DDX39B: variants seen among roughly 807,000 people sequenced by gnomAD.
The protein encoded by DDX39B is spliceosome RNA helicase DDX39B.
Under a neutral mutation model 46.4 loss-of-function variants are expected in DDX39B, and 6 were observed. That is an observed-to-expected ratio of 0.13 (90% CI 0.07 to 0.26). The LOEUF (loss-of-function observed/expected upper bound fraction) is 0.26. Ranked by LOEUF, DDX39B falls within the 10% of genes least tolerant of loss-of-function variation. The pLI is 1.00. For synonymous variants in DDX39B, 174 were observed against 199.4 expected, an observed-to-expected ratio of 0.87 and a Z score of 1.07; for missense variants, 185 against 553.4, an observed-to-expected ratio of 0.33 and a Z score of 6.68.
rs541059804 is a variant in DDX39B at position 31,539,017 on chromosome 6, C to T, written c.339+130G>A. On this transcript the variant is annotated intron_variant, in intron 3 of 10. Transcript: ENST00000396172. ...GCTTGCGACAGAACATCCCCCACAG[C>T]TGTCAGGTTGTCAAGGGTAACAGAG... 22 of 1,537,372 alleles carry T rather than the reference C, an allele frequency of 1.4e-5. No individual in the cohort carries two copies. The South Asian group carries it at 2.3e-4, about 16-fold the overall frequency.
rs1768302992 is a variant in DDX39B at position 31,540,623 on chromosome 6, G to C, written c.-91C>G. On this transcript the variant is annotated 5_prime_UTR_variant, in exon 2 of 11. Transcript: ENST00000396172. ...AAGGGGTGAAGAGTAGGGGATTGAG[G>C]AACAGCAAAGGAAAACAAAGATACT... 1 of 1,200,760 alleles carries C rather than the reference G, an allele frequency of 8.3e-7. No homozygotes were observed. Among genetic ancestry groups the C allele is most frequent in the East Asian group, 2.3e-5 (1 of 42,568 alleles). The allele number at this position is 1,200,760 out of a possible 1,614,324, so 74.4% of individuals were successfully genotyped here.
chr6:31,535,344 A>T lies in DDX39B; in HGVS notation c.735+23T>A. On this transcript the variant is annotated intron_variant, in intron 6 of 10. Coordinates refer to ENST00000396172, the MANE Select transcript of DDX39B (RefSeq NM_004640.7). This position sits in a 1 kb window ranked among gnomAD's most constrained non-coding sequence, Gnocchi z 4.6. ...GAGGCAGCGGGCGGGGAGTGGAGGGAGAGAAGGTAGAAGGGTATTTACATC... is the reference window on the plus strand; with the variant it reads ...GAGGCAGCGGGCGGGGAGTGGAGGGTGAGAAGGTAGAAGGGTATTTACATC... 2 of 1,606,792 alleles carry T rather than the reference A, an allele frequency of 1.2e-6. No homozygotes were observed. The highest frequency in any genetic ancestry group is 1.3e-5 in the African/African-American group (1 of 74,882).
chr6:31,541,871 G>A (rs1768520956), intron 1 of DDX39B, 79 bp downstream of exon 1: 1 of 635,650 alleles, frequency 1.6e-6, no homozygotes, highest in Non-Finnish European at 2.9e-6. Context: ...CCTGTGAAAA[G>A]GGTATCAGGA....
Position 31,538,743 on chromosome 6 carries a change from G to C in DDX39B, c.432+20C>G. On this transcript the variant is annotated intron_variant, in intron 4 of 10. Coordinates refer to ENST00000396172, the MANE Select transcript of DDX39B (RefSeq NM_004640.7). ...CAACTTGCCACACCCTCACTCTCAG[G>C]TCTCTTTACCTTGGCTTACCTTGAC... 6.2e-7 allele frequency: 1 copy of C among 1,603,488 alleles called. No homozygotes were observed. Among genetic ancestry groups the C allele is most frequent in the Non-Finnish European group, 8.5e-7 (1 of 1,175,058 alleles).
intron 2 of DDX39B, among the ~76,000 whole-genome samples, chr6:31,539,950 C>T (rs550861661): frequency 1.3e-5 from 2 of 150,368 alleles, no homozygotes; most frequent in African/African-American, 4.9e-5. Context: ...CCTGTATAAG[C>T]CTCCTCTATC....
chr6:31,530,394 C>T lies in DDX39B; in HGVS notation c.*40G>A, dbSNP rs773950892. ...TTCACCCCCACCCTGGTGTCCTCTCCTGAAGGACAGACGGTCACATTCCAA... is the reference window on the plus strand; with the variant it reads ...TTCACCCCCACCCTGGTGTCCTCTCTTGAAGGACAGACGGTCACATTCCAA... On this transcript the variant is annotated 3_prime_UTR_variant, in exon 11 of 11. Coordinates refer to ENST00000396172, the MANE Select transcript of DDX39B (RefSeq NM_004640.7). The surrounding 1 kb of genome is among the most constrained non-coding windows in gnomAD (Gnocchi z 4.5). 3 of 1,612,322 alleles carry T rather than the reference C, an allele frequency of 1.9e-6. No homozygotes were observed. The South Asian group carries it at 3.3e-5, about 18-fold the overall frequency.
chr6:31,538,647 T>A, intron 4 of DDX39B, 116 bp downstream of exon 4: 1 of 939,018 alleles, frequency 1.1e-6, no homozygotes, highest in Non-Finnish European at 1.6e-6. Flanking sequence ...CTCAACACTC[T>A]GTTACACCAC....
At position 31,534,456 on chromosome 6, in the gene DDX39B, C is replaced by G. The variant is rs1468883636; in HGVS notation, c.735+911G>C. On this transcript the variant is annotated intron_variant, in intron 6 of 10. Coordinates refer to ENST00000396172, the MANE Select transcript of DDX39B (RefSeq NM_004640.7). The surrounding 1 kb of genome is among the most constrained non-coding windows in gnomAD (Gnocchi z 5.1). ...AATTGGCCCCACCTAGCCCCAAACCCTAACAACCACCCGATTACATCCACT... is the reference window on the plus strand; with the variant it reads ...AATTGGCCCCACCTAGCCCCAAACCGTAACAACCACCCGATTACATCCACT... The G allele has an allele frequency of 2.1e-6, 1 of 471,062 alleles. No individual in the cohort carries two copies. Among genetic ancestry groups the G allele is most frequent in the Non-Finnish European group, 4.4e-6 (1 of 227,004 alleles). 29.2% of individuals were successfully genotyped at this position (471,062 alleles called of 1,614,324 possible). A position where few individuals can be genotyped will look rare whatever the true frequency, so the allele number is the denominator to read the frequency against.
At position 31,534,928 on chromosome 6, in the gene DDX39B, CCT is replaced by C; in HGVS notation, c.735+437_735+438del. On this transcript the variant is annotated intron_variant, in intron 6 of 10. Transcript: ENST00000396172. The surrounding 1 kb of genome is among the most constrained non-coding windows in gnomAD (Gnocchi z 5.1). ...GGACATGCCCTGCCATCTGTCTGTC[CCT>C]CTCTTGCTCTCCTGCCACCGGGAAG... is the stretch of plus-strand genomic sequence containing the variant. 1 of 273,816 alleles carries C rather than the reference CCT, an allele frequency of 3.7e-6. No homozygotes were observed. Among genetic ancestry groups the C allele is most frequent in the Non-Finnish European group, 7.2e-6 (1 of 138,128 alleles). The allele number at this position is 273,816 out of a possible 1,614,324, so 17.0% of individuals were successfully genotyped here. A position where few individuals can be genotyped will look rare whatever the true frequency, so the allele number is the denominator to read the frequency against.
chr6:31,538,910 T>C, intron 3 of DDX39B, 55 bp from the exon 4 acceptor site: 1 of 1,570,932 alleles, frequency 6.4e-7, no homozygotes, highest in Non-Finnish European at 8.8e-7. Context: ...CATTATCCCC[T>C]CTAGGGAAGT....
At chr6:31,541,671 G>A (rs751524150) in intron 1 of DDX39B, 1 of 502,086 alleles carries the variant, frequency 2.0e-6, no homozygotes, top group Non-Finnish European at 4.0e-6. Flanking sequence ...TCTCATTGAT[G>A]CTGAGGCCTC....
In DDX39B at chr6:31,530,938, C is replaced by G. The variant is rs1767087328; in HGVS notation, c.1123-12G>C. ...CCTGCTCTGGCCACCTGGAGGGAGA[C>G]AGAGGGTAGCACTGGAAGACCGAAG... On this transcript the variant is annotated splice_polypyrimidine_tract_variant and intron_variant, in intron 9 of 10. Coordinates refer to ENST00000396172, the MANE Select transcript of DDX39B (RefSeq NM_004640.7). This position sits in a 1 kb window ranked among gnomAD's most constrained non-coding sequence, Gnocchi z 4.5. 4 of 1,614,044 alleles carry G rather than the reference C, an allele frequency of 2.5e-6. No individual in the cohort carries two copies. The highest frequency in any genetic ancestry group is 3.4e-6 in the Non-Finnish European group (4 of 1,180,004).
intron 6 of DDX39B, chr6:31,533,218 A>C: frequency 9.9e-6 from 3 of 302,660 alleles, no homozygotes; most frequent in Admixed American, 4.8e-5. Context: ...ATTACCTCAA[A>C]TAGAGGTGGG....
Position 31,531,428 on chromosome 6 carries a change from G to A in DDX39B, c.868-23C>T. ...CACCTGTTGTGGGGTGGGGTGGGGG[G>A]TCGCAAATTGGGGGAATAGGGGTCC... On this transcript the variant is annotated intron_variant, in intron 7 of 10. Transcript: ENST00000396172. The surrounding 1 kb of genome is among the most constrained non-coding windows in gnomAD (Gnocchi z 5.8). 6.2e-7 allele frequency: 1 copy of A among 1,611,732 alleles called. No individual in the cohort carries two copies. The highest frequency in any genetic ancestry group is 8.5e-7 in the Non-Finnish European group (1 of 1,178,088).
chr6:31,531,716 AG>A lies in DDX39B; in HGVS notation c.868-312del. Reference sequence around the variant, plus strand: ...ATAAAAAACTAGAATTAAGATCTGGAGGGGTAACTGATATTCCTGCTCACCA... The same window carrying A: ...ATAAAAAACTAGAATTAAGATCTGGAGGGTAACTGATATTCCTGCTCACCA... On this transcript the variant is annotated intron_variant, in intron 7 of 10. Transcript: ENST00000396172. This position sits in a 1 kb window ranked among gnomAD's most constrained non-coding sequence, Gnocchi z 5.8. The A allele has an allele frequency of 2.6e-6, 1 of 383,398 alleles. No individual in the cohort carries two copies. The highest frequency in any genetic ancestry group is 4.4e-5 in the South Asian group (1 of 22,964). 23.7% of individuals were successfully genotyped at this position (383,398 alleles called of 1,614,324 possible). A position where few individuals can be genotyped will look rare whatever the true frequency, so the allele number is the denominator to read the frequency against.
intron 4 of DDX39B, among the ~76,000 whole-genome samples, chr6:31,537,881 A>C (rs1330301186): frequency 6.6e-6 from 1 of 151,952 alleles, no homozygotes; most frequent in Admixed American, 6.6e-5. Context: ...ACTAAAAAAA[A>C]ACAAAAATTA....
rs746179453 is a variant in DDX39B, at chr6:31,531,065, G to A, written c.1110C>T (p.Thr370=). The change falls in exon 9 of 11, where the codon ACC becomes ACT. Residue 370 remains threonine, a synonymous_variant. Coordinates refer to ENST00000396172, the MANE Select transcript of DDX39B (RefSeq NM_004640.7). This position sits in a 1 kb window ranked among gnomAD's most constrained non-coding sequence, Gnocchi z 5.8. The stretch of plus-strand genomic sequence containing the variant: ...CTGTGAGGTTTACCCGATGCAGGTA[G>A]GTGTCAGAATCCTCAGGCATGTCAT... The part of the protein sequence containing the change: ...FNYDMPEDSD[T]YLHRVARAGR... 1.8e-5 allele frequency: 29 copies of A among 1,614,112 alleles called. No homozygotes were observed. Among genetic ancestry groups the A allele is most frequent in the Non-Finnish European group, 2.4e-5 (28 of 1,180,022 alleles).
At chr6:31,532,935 G>GA in intron 6 of DDX39B, 24 bp from the exon 7 acceptor site, 1 of 501,534 alleles carries the variant, frequency 2.0e-6, no homozygotes, top group Admixed American at 2.5e-5. Flanking sequence ...AGGGGGTGGG[G>GA]AACGGGAGGA....
intron 4 of DDX39B, 80 bp downstream of exon 4, chr6:31,538,683 A>T: frequency 7.7e-7 from 1 of 1,302,244 alleles, no homozygotes; most frequent in Non-Finnish European, 1.1e-6. Flanking sequence ...CTCCAAAATT[A>T]AAGAGACTAT....
Sources: allele counts gnomAD v4.1 joint callset (sites outside exome capture counted in the v4.1 genomes callset), GRCh38; gene constraint gnomAD v4.1.1; non-coding constraint Gnocchi (gnomAD v3.1); transcripts MANE v1.5; gene names NCBI Gene and HGNC (gene_info 2026-07-23, HGNC 2026-07-21).